Variants in ANXA5 observed in about 807,000 individuals in gnomAD.
The protein encoded by ANXA5 is CBP-I.
A neutral mutation model predicts 48.1 loss-of-function variants in ANXA5; 40 were observed. That is an observed-to-expected ratio of 0.83 (90% CI 0.65 to 1.08). The LOEUF (loss-of-function observed/expected upper bound fraction) is 1.08, where lower values mean the gene tolerates loss of function less well. ANXA5 is among the 50% of genes least tolerant of loss of function. ANXA5 has a pLI of 0.00. For synonymous variants in ANXA5, 113 were observed against 129.1 expected (o/e 0.88, Z 0.85); for missense variants, 357 against 376.8 (o/e 0.95, Z 0.44).
chr4:121,670,748 G>A (rs1054747592), intron 10 of ANXA5, among the ~76,000 whole-genome samples: 5 of 152,086 alleles, frequency 3.3e-5, no homozygotes, highest in Admixed American at 6.6e-5. Context: ...ATTTGTATGC[G>A]TATTCTAATT....
chr4:121,675,071 A>ACT (rs1485665900), intron 8 of ANXA5, among the ~76,000 whole-genome samples: 1 of 152,246 alleles, frequency 6.6e-6, no homozygotes, highest in Non-Finnish European at 1.5e-5. Flanking sequence ...GTGCCTGATT[A>ACT]CTTCTCCTTC....
intron 3 of ANXA5, among the ~76,000 whole-genome samples, 187 bp from the exon 4 acceptor site, chr4:121,684,958 T>C (rs41278083): frequency 0.12 from 17,997 of 150,734 alleles, 1,102 homozygotes; most frequent in South Asian, 0.16. Flanking sequence ...GATGGGAGGA[T>C]TGCTTGAGGC....
chr4:121,686,268 A>G lies in ANXA5; in HGVS notation c.94+20T>C. 5 of 1,587,088 alleles carry G rather than the reference A, an allele frequency of 3.2e-6. No homozygotes were observed. The highest frequency in any genetic ancestry group is 3.5e-6 in the Non-Finnish European group (4 of 1,157,102). On this transcript the variant is annotated intron_variant, in intron 3 of 12. Transcript: ENST00000296511. ...AAAACAAATATCACATTTGCTTTAG[A>G]AAGAGGAAGCTAAATTTACCCAAGC...
In ANXA5 at chr4:121,684,717, C is replaced by T. The variant is rs1039882471; in HGVS notation, c.149G>A (p.Arg50His). 12 of 1,613,802 alleles carry T rather than the reference C, an allele frequency of 7.4e-6. No homozygotes were observed. The highest frequency in any genetic ancestry group is 2.2e-5 in the East Asian group (1 of 44,888). The change falls in exon 4 of 13, where the codon CGC becomes CAC. Residue 50 changes from arginine (R) to histidine (H), a missense_variant. By Grantham distance (29) the Arg-to-His change is conservative. Transcript: ENST00000296511. ...TLLTSRSNAQ[R>H]QEISAAFKTL... ...CTTAAAAGCTGCAGAGATTTCCTGG[C>T]GCTGAGCATTACTTCGGGATGTCAA...
At chr4:121,685,162 C>T (rs752087493) in intron 3 of ANXA5, among the ~76,000 whole-genome samples, 9 of 151,500 alleles carry the variant, frequency 5.9e-5, no homozygotes, top group Non-Finnish European at 1.2e-4. Flanking sequence ...TAAAATGTTA[C>T]GTTTCCAATA....
At chr4:121,690,304 T>C (rs1425649556) in intron 2 of ANXA5, among the ~76,000 whole-genome samples, 1 of 152,146 alleles carries the variant, frequency 6.6e-6, no homozygotes, top group African/African-American at 2.4e-5. Flanking sequence ...AGCTACACTG[T>C]ACTCCTAAAG....
chr4:121,671,298 G>A (rs1334800182), intron 10 of ANXA5, among the ~76,000 whole-genome samples: 4 of 152,146 alleles, frequency 2.6e-5, no homozygotes, highest in Admixed American at 6.5e-5. Context: ...TATTTTTAAT[G>A]CAGCTTCAAA....
chr4:121,692,684 G>C (rs996503082), intron 2 of ANXA5, among the ~76,000 whole-genome samples: 2 of 152,050 alleles, frequency 1.3e-5, no homozygotes, highest in African/African-American at 4.8e-5. Context: ...TCCCTCCTTT[G>C]TCCCATACAA....
chr4:121,669,477 G>T, intron 12 of ANXA5, 125 bp downstream of exon 12: 1 of 1,166,376 alleles, frequency 8.6e-7, no homozygotes, highest in Non-Finnish European at 1.2e-6. Context: ...TTAACTCATT[G>T]CTCTAATCGT....
At chr4:121,679,128 A>C (rs1724748825) in intron 6 of ANXA5, among the ~76,000 whole-genome samples, 4 of 151,998 alleles carry the variant, frequency 2.6e-5, no homozygotes, top group African/African-American at 9.7e-5. Flanking sequence ...CCTTACTCTA[A>C]GGTATTTAAA....
intron 3 of ANXA5, 136 bp from the exon 4 acceptor site, chr4:121,684,907 C>A: frequency 1.6e-6 from 1 of 634,806 alleles, no homozygotes; most frequent in South Asian, 1.9e-5. Flanking sequence ...ATGGCCGGCG[C>A]AGTGGCTCAC....
In ANXA5 at chr4:121,686,212, T is replaced by C. The variant is rs574367873; in HGVS notation, c.94+76A>G. 3.7e-6 allele frequency: 4 copies of C among 1,095,280 alleles called. No individual in the cohort carries two copies. In the Admixed American group the frequency reaches 7.5e-5, roughly 21 times the overall value. The allele number at this position is 1,095,280 out of a possible 1,614,324, so 67.8% of individuals were successfully genotyped here. The stretch of plus-strand genomic sequence containing the variant: ...ATTTCAGATCAAAATATTCTAAAAT[T>C]ATTCTTACTGTAATTAATGACTTGT... On this transcript the variant is annotated intron_variant, in intron 3 of 12. Coordinates refer to ENST00000296511, the MANE Select transcript of ANXA5 (RefSeq NM_001154.4).
In ANXA5 at chr4:121,689,986, G is replaced by A. The variant is rs144348955; in HGVS notation, c.10-3614C>T. Among the ~76,000 whole-genome samples, 237 of 152,262 alleles carry A rather than the reference G, an allele frequency of 1.6e-3. 1 individual carries two copies. Among genetic ancestry groups the A allele is most frequent in the African/African-American group, 5.1e-3 (210 of 41,538 alleles). ...GCTTGGTGAGTTGTCAGCATACGCC[G>A]GTAGTAGCTGGAGGGGGCCACCACG... On this transcript the variant is annotated intron_variant, in intron 2 of 12. Coordinates refer to ENST00000296511, the MANE Select transcript of ANXA5 (RefSeq NM_001154.4).
At chr4:121,685,012 C>G (rs1190855102) in intron 3 of ANXA5, among the ~76,000 whole-genome samples, 1 of 145,276 alleles carries the variant, frequency 6.9e-6, no homozygotes, top group Non-Finnish European at 1.5e-5. Context: ...AGACCCCCAT[C>G]TCTTAGAAAA....
At position 121,669,659 on chromosome 4, in the gene ANXA5, A is replaced by G. The variant is rs1259913432; in HGVS notation, c.846T>C (p.Phe282=). The G allele has an allele frequency of 2.5e-6, 4 of 1,613,604 alleles. No homozygotes were observed. The highest frequency in any genetic ancestry group is 1.3e-5 in the African/African-American group (1 of 74,962). The stretch of plus-strand genomic sequence containing the variant: ...TCTTCCTAAACTCCTTCCTGATGTT[A>G]AACAGATCAATCTCACTCCTGGAAA... The part of the protein sequence containing the change: ...VMVSRSEIDL[F]NIRKEFRKNF... Residue 282 remains phenylalanine, a synonymous_variant, in exon 12 of 13, where the codon TTT becomes TTC. Transcript: ENST00000296511.
chr4:121,674,375 A>C (rs1724663648), intron 8 of ANXA5, among the ~76,000 whole-genome samples: 2 of 152,056 alleles, frequency 1.3e-5, no homozygotes, highest in South Asian at 4.2e-4. Context: ...AAGAAAAGAA[A>C]AGTTGCTATT....
intron 6 of ANXA5, among the ~76,000 whole-genome samples, chr4:121,681,030 G>C (rs1724784668): frequency 6.6e-6 from 1 of 152,146 alleles, no homozygotes; most frequent in African/African-American, 2.4e-5. Flanking sequence ...AGTCAGGCAG[G>C]AGAAAGAGTT....
intron 2 of ANXA5, among the ~76,000 whole-genome samples, chr4:121,692,635 A>C (rs1308533891): frequency 1.4e-4 from 21 of 152,178 alleles, no homozygotes; most frequent in Admixed American, 1.4e-3. Flanking sequence ...TACACCCCTA[A>C]GTATTTATTT....
intron 3 of ANXA5, among the ~76,000 whole-genome samples, chr4:121,686,080 T>C (rs918059805): frequency 3.3e-5 from 5 of 151,820 alleles, no homozygotes; most frequent in African/African-American, 1.2e-4. Flanking sequence ...GTGTATTTTA[T>C]GTGTGGCCCA....
Sources: gnomAD v4.1 joint callset for allele counts (sites outside exome capture counted in the v4.1 genomes callset) on GRCh38, gnomAD v4.1.1 for gene constraint, MANE v1.5 for transcripts, NCBI Gene and HGNC (gene_info 2026-07-23, HGNC 2026-07-21) for gene names.